CCDC158: variants seen among roughly 807,000 people sequenced by gnomAD.
The protein encoded by CCDC158 is coiled-coil domain-containing protein 158.
In CCDC158, 116 loss-of-function variants were observed where a neutral mutation model predicts 138.6. The observed-to-expected ratio is 0.84, with a 90% CI of 0.72 to 0.98. The LOEUF is 0.98. CCDC158 is among the 50% of genes least tolerant of loss of function. CCDC158 has a pLI of 0.00. For synonymous variants in CCDC158, 436 were observed against 442.4 expected, an observed-to-expected ratio of 0.99 and a Z score of 0.18; for missense variants, 1,265 against 1,306.1, an observed-to-expected ratio of 0.97 and a Z score of 0.48.
intron 24 of CCDC158, among the ~76,000 whole-genome samples, chr4:76,316,600 A>C (rs1448983789): frequency 6.6e-6 from 1 of 152,156 alleles, no homozygotes; most frequent in Non-Finnish European, 1.5e-5. Flanking sequence ...AAATACAAGA[A>C]GCTCAAAGAA....
chr4:76,376,147 A>G (rs1210273556), intron 9 of CCDC158, among the ~76,000 whole-genome samples: 1 of 151,788 alleles, frequency 6.6e-6, no homozygotes, highest in Non-Finnish European at 1.5e-5. Context: ...TCAATCTCTC[A>G]GCCTCAAGCT....
At chr4:76,421,345 C>G (rs1277483941), upstream of CCDC158, among the ~76,000 whole-genome samples, 1 of 152,064 alleles carries the variant, frequency 6.6e-6, no homozygotes, top group Non-Finnish European at 1.5e-5. Flanking sequence ...ATCCGAGCGT[C>G]GAAGTCCCCA....
At chr4:76,382,980 C>T (rs1036294593) in intron 7 of CCDC158, among the ~76,000 whole-genome samples, 3 of 152,094 alleles carry the variant, frequency 2.0e-5, no homozygotes, top group Non-Finnish European at 2.9e-5. Flanking sequence ...TATTATATGA[C>T]ACCCCCAATG....
chr4:76,373,980 C>A (rs1725487189), intron 9 of CCDC158, among the ~76,000 whole-genome samples: 1 of 151,952 alleles, frequency 6.6e-6, no homozygotes, highest in East Asian at 1.9e-4. Flanking sequence ...ATAGTGAGAC[C>A]CCATCTCTAC....
intron 18 of CCDC158, among the ~76,000 whole-genome samples, chr4:76,336,445 G>A (rs571261577): frequency 1.2e-4 from 19 of 152,174 alleles, no homozygotes; most frequent in Admixed American, 4.6e-4. Flanking sequence ...GGCTGGAGGC[G>A]TCCTGAAAAT....
intron 2 of CCDC158, among the ~76,000 whole-genome samples, chr4:76,410,062 C>G (rs976594702): frequency 5.9e-5 from 9 of 152,142 alleles, no homozygotes; most frequent in African/African-American, 2.2e-4. Flanking sequence ...TCGAAAGGCC[C>G]TGGTGGATGT....
Position 76,367,303 on chromosome 4 carries a change from C to G in CCDC158, c.1821G>C (p.Lys607Asn), listed in dbSNP as rs1233207717. The G allele has an allele frequency of 6.2e-7, 1 of 1,611,726 alleles. No individual in the cohort carries two copies. Among genetic ancestry groups the G allele is most frequent in the African/African-American group, 1.3e-5 (1 of 74,746 alleles). The change falls in exon 12 of 25, where the codon AAG (lysine) becomes AAC (asparagine). Residue 607 changes from lysine (K) to asparagine (N), a missense_variant. Transcript: ENST00000682701. The stretch of plus-strand genomic sequence containing the variant: ...AAAAAACTCTACAGACCTTAAGTTC[C>G]TTTAGTTCCATCCGCCTATCATTAA... ...KEINDRRMEL[K>N]ELKILKDKKD...
chr4:76,347,132 A>T (rs1722630191), intron 18 of CCDC158, among the ~76,000 whole-genome samples: 1 of 152,214 alleles, frequency 6.6e-6, no homozygotes. Context: ...TTCCTCAAGG[A>T]TCTAGAACCA....
intron 18 of CCDC158, among the ~76,000 whole-genome samples, chr4:76,338,339 G>A (rs989103613): frequency 2.6e-5 from 4 of 152,028 alleles, no homozygotes; most frequent in South Asian, 2.1e-4. Flanking sequence ...GCAAAACCCC[G>A]TCTCTACTAA....
chr4:76,408,671 G>T (rs28452892), intron 2 of CCDC158, among the ~76,000 whole-genome samples: 2 of 151,978 alleles, frequency 1.3e-5, no homozygotes, highest in Admixed American at 6.5e-5. Flanking sequence ...CTTTATAGCC[G>T]CATGATTTAT....
Position 76,336,498 on chromosome 4 carries a change from A to C in CCDC158, c.2665-2331T>G, listed in dbSNP as rs143836674. Among the ~76,000 whole-genome samples, 422 of 152,312 alleles carry C rather than the reference A, an allele frequency of 2.8e-3. 4 individuals are homozygous for C. Among genetic ancestry groups the C allele is most frequent in the African/African-American group, 9.6e-3 (397 of 41,570 alleles). ...ACTCCCATATCAAAAGTGATGAAGA[A>C]TTCTCTCTACGGCATTCTAGTAATA... On this transcript the variant is annotated intron_variant, in intron 18 of 24. Coordinates refer to ENST00000682701, the MANE Select transcript of CCDC158 (RefSeq NM_001394954.1).
intron 3 of CCDC158, chr4:76,401,655 C>T (rs2109859993): frequency 6.1e-6 from 1 of 163,974 alleles, no homozygotes; most frequent in Non-Finnish European, 1.3e-5. Flanking sequence ...TTTCAGAAGT[C>T]TATCAGTTCT....
intron 4 of CCDC158, among the ~76,000 whole-genome samples, chr4:76,387,518 C>G (rs1726913294): frequency 6.6e-6 from 1 of 151,898 alleles, no homozygotes; most frequent in African/African-American, 2.4e-5. Context: ...GAAACCCTGT[C>G]TCTACTAAAA....
chr4:76,315,833 G>T (rs1719331358), intron 24 of CCDC158, among the ~76,000 whole-genome samples: 1 of 152,152 alleles, frequency 6.6e-6, no homozygotes, highest in Admixed American at 6.5e-5. Context: ...CCCGAGTCTG[G>T]TAGCCCTACT....
chr4:76,409,157 G>T (rs577582803), intron 2 of CCDC158, among the ~76,000 whole-genome samples: 1 of 152,086 alleles, frequency 6.6e-6, no homozygotes, highest in Non-Finnish European at 1.5e-5. Flanking sequence ...AATAATATTT[G>T]TAATTCATTT....
rs114770535 is a variant in CCDC158, at chr4:76,351,077, T to C, written c.2583A>G (p.Pro861=). 1.8e-3 allele frequency: 2,923 copies of C among 1,613,758 alleles called. 38 individuals are homozygous for C. In the African/African-American group the frequency reaches 0.034, roughly 19 times the overall value. ...TAACAGATGCTGGCTGGAGAAGGCG[T>C]GGTTTCAATGAAGAATTTGAGGTGT... ...PGYTSNSSLK[P]RLLQPASVTR... The change falls in exon 18 of 25, where the codon CCA becomes CCG. Residue 861 remains proline, a synonymous_variant. Coordinates refer to ENST00000682701, the MANE Select transcript of CCDC158 (RefSeq NM_001394954.1).
At chr4:76,373,810 T>C (rs775490918) in intron 9 of CCDC158, among the ~76,000 whole-genome samples, 6 of 152,216 alleles carry the variant, frequency 3.9e-5, no homozygotes, top group Admixed American at 3.9e-4. Context: ...CTGCATGCTA[T>C]GTATAAAAAG....
chr4:76,414,630 G>A lies in CCDC158; in HGVS notation c.-116-2498C>T, dbSNP rs530384367. On this transcript the variant is annotated intron_variant, in intron 1 of 24. Transcript: ENST00000682701. ...GTGTGTGGGAGGGACCCAGGATGAGGTAATTGAATCATGGAGGCCGGTCTT... is the reference window on the plus strand; with the variant it reads ...GTGTGTGGGAGGGACCCAGGATGAGATAATTGAATCATGGAGGCCGGTCTT... Among the ~76,000 whole-genome samples the A allele has an allele frequency of 7.2e-5, 11 of 152,328 alleles. No individual in the cohort carries two copies. The South Asian group carries it at 2.3e-3, about 32-fold the overall frequency.
chr4:76,331,299 A>T, intron 21 of CCDC158, 45 bp downstream of exon 21: 1 of 1,494,260 alleles, frequency 6.7e-7, no homozygotes, highest in Non-Finnish European at 9.3e-7. Context: ...AATAATGAAC[A>T]GTCGTAAAAG....
Sources: gnomAD v4.1 joint callset for allele counts (sites outside exome capture counted in the v4.1 genomes callset) on GRCh38, gnomAD v4.1.1 for gene constraint, MANE v1.5 for transcripts, NCBI Gene and HGNC (gene_info 2026-07-23, HGNC 2026-07-21) for gene names.